Variants in PLPP3 observed in about 807,000 individuals in gnomAD.
PLPP3 encodes phospholipid phosphatase 3.
A neutral mutation model predicts 29.6 loss-of-function variants in PLPP3; 6 were observed. That is an observed-to-expected ratio of 0.20 (90% CI 0.11 to 0.40). The LOEUF (loss-of-function observed/expected upper bound fraction) is 0.40. PLPP3 is among the 10% of genes least tolerant of loss of function. PLPP3 has a pLI of 1.00. For synonymous variants in PLPP3, 152 were observed against 159.7 expected (o/e 0.95, Z 0.36); for missense variants, 308 against 407.7 (o/e 0.76, Z 2.11).
At chr1:56,569,583 T>C (rs1646184052) in intron 1 of PLPP3, among the ~76,000 whole-genome samples, 1 of 152,184 alleles carries the variant, frequency 6.6e-6, no homozygotes, top group African/African-American at 2.4e-5. Flanking sequence ...TCCTAGGTAG[T>C]AGGTTTCTCT....
Position 56,579,103 on chromosome 1 carries a change from C to T in PLPP3, c.-87G>A, listed in dbSNP as rs1646259054. On this transcript the variant is annotated 5_prime_UTR_variant, in exon 1 of 6. Coordinates refer to ENST00000371250, the MANE Select transcript of PLPP3 (RefSeq NM_003713.5). ...CCCAGGCGCCCGGGTCGCCTCCTGG[C>T]CGAGGCTGCTGCGGATAGTGGCGGG... The T allele has an allele frequency of 1.3e-6, 2 of 1,539,238 alleles. No individual in the cohort carries two copies. The highest frequency in any genetic ancestry group is 2.3e-5 in the South Asian group (2 of 86,166).
At chr1:56,530,832 A>C (rs1645883076) in intron 2 of PLPP3, among the ~76,000 whole-genome samples, 1 of 152,168 alleles carries the variant, frequency 6.6e-6, no homozygotes, top group Non-Finnish European at 1.5e-5. Flanking sequence ...CCATTCATTC[A>C]GCCAAACAGG....
In PLPP3 at chr1:56,556,505, G is replaced by A. The variant is rs555773695; in HGVS notation, c.140-19393C>T. 3.3e-5 allele frequency among the ~76,000 whole-genome samples: 5 copies of A among 152,224 alleles called. No individual in the cohort carries two copies. In the East Asian group the frequency reaches 9.7e-4, roughly 29 times the overall value. ...ATGCCAAAATGGCAATAGTATTTAT[G>A]GTAGATTATGAGTGATGTTCCCTGT... On this transcript the variant is annotated intron_variant, in intron 1 of 5. Coordinates refer to ENST00000371250, the MANE Select transcript of PLPP3 (RefSeq NM_003713.5).
At chr1:56,561,560 T>C (rs887721414) in intron 1 of PLPP3, among the ~76,000 whole-genome samples, 80 of 152,158 alleles carry the variant, frequency 5.3e-4, no homozygotes, top group African/African-American at 1.9e-3. Context: ...TGTGGTATTA[T>C]AGGCAACAAA....
rs1229420952 is a variant in PLPP3 at position 56,496,612 on chromosome 1, C to A, written c.875G>T (p.Arg292Leu). 2.5e-6 allele frequency: 4 copies of A among 1,613,844 alleles called. No individual in the cohort carries two copies. The highest frequency in any genetic ancestry group is 2.5e-6 in the Non-Finnish European group (3 of 1,179,890). ...TTLSLPAPAI[R>L]KEILSPVDII... is the part of the protein sequence containing the mutation. ...GTCCACAGGTGAAAGGATTTCCTTCCGGATAGCAGGGGCAGGCAGGGAGAG... is the reference window on the plus strand; with the variant it reads ...GTCCACAGGTGAAAGGATTTCCTTCAGGATAGCAGGGGCAGGCAGGGAGAG... Residue 292 changes from arginine to leucine, a missense_variant, in exon 6 of 6, where the codon CGG becomes CTG. Arg to Leu is a moderately radical substitution (Grantham distance 102). Transcript: ENST00000371250.
intron 1 of PLPP3, among the ~76,000 whole-genome samples, chr1:56,576,682 A>G (rs549421571): frequency 3.7e-4 from 57 of 152,304 alleles, no homozygotes; most frequent in African/African-American, 1.3e-3. Context: ...CTTTTTGGAG[A>G]TAAACAAAAT....
intron 1 of PLPP3, among the ~76,000 whole-genome samples, chr1:56,568,289 G>A (rs137858654): frequency 3.3e-5 from 5 of 152,200 alleles, no homozygotes. Context: ...CCAATGAATC[G>A]TGTGCTTTAA....
intron 1 of PLPP3, among the ~76,000 whole-genome samples, chr1:56,576,667 T>C (rs751290517): frequency 1.3e-5 from 2 of 152,188 alleles, no homozygotes; most frequent in Non-Finnish European, 2.9e-5. Flanking sequence ...CCTGACGCCT[T>C]ATTGCTTTTT....
At chr1:56,498,347 G>A (rs1645642698) in intron 5 of PLPP3, among the ~76,000 whole-genome samples, 1 of 152,150 alleles carries the variant, frequency 6.6e-6, no homozygotes, top group African/African-American at 2.4e-5. Context: ...GTTGGTTTGG[G>A]AAACTGTTTT....
chr1:56,576,644 C>G (rs191757159), intron 1 of PLPP3, among the ~76,000 whole-genome samples: 1 of 152,288 alleles, frequency 6.6e-6, no homozygotes, highest in South Asian at 2.1e-4. Flanking sequence ...GCCTCTATAA[C>G]AGAATACATG....
intron 1 of PLPP3, among the ~76,000 whole-genome samples, chr1:56,570,472 G>A (rs904473171): frequency 1.3e-5 from 2 of 152,206 alleles, no homozygotes; most frequent in Admixed American, 6.5e-5. Context: ...CAGAAATCAA[G>A]TTCCTTTCAA....
At chr1:56,548,148 C>T (rs1211551328) in intron 1 of PLPP3, among the ~76,000 whole-genome samples, 2 of 152,184 alleles carry the variant, frequency 1.3e-5, no homozygotes, top group Non-Finnish European at 2.9e-5. Flanking sequence ...AGACTGGAGC[C>T]GTTCCAGGGT....
chr1:56,499,428 C>T (rs143209752), intron 5 of PLPP3, among the ~76,000 whole-genome samples: 193 of 152,264 alleles, frequency 1.3e-3, no homozygotes, highest in African/African-American at 4.5e-3. Context: ...CCCTAATCAC[C>T]CTGAATCACC....
At chr1:56,540,506 A>C (rs1334624527) in intron 1 of PLPP3, among the ~76,000 whole-genome samples, 1 of 152,152 alleles carries the variant, frequency 6.6e-6, no homozygotes, top group African/African-American at 2.4e-5. Flanking sequence ...CCCACTTTTA[A>C]ACTGAGAACA....
intron 4 of PLPP3, 108 bp from the exon 5 acceptor site, chr1:56,512,260 C>A: frequency 9.3e-7 from 1 of 1,069,820 alleles, no homozygotes; most frequent in Non-Finnish European, 1.3e-6. Context: ...ATCATCTGGA[C>A]CTTGGGTGGC....
At chr1:56,513,619 C>T (rs968726446) in intron 4 of PLPP3, 8 of 152,092 alleles carry the variant, frequency 5.3e-5, no homozygotes, top group Admixed American at 2.6e-4. Context: ...TCCTCAACTA[C>T]GTGGAACACT....
At chr1:56,555,102 T>A (rs1646065050) in intron 1 of PLPP3, among the ~76,000 whole-genome samples, 1 of 152,002 alleles carries the variant, frequency 6.6e-6, no homozygotes, top group Admixed American at 6.6e-5. Flanking sequence ...TGATACTTAG[T>A]GGAAAGGGAC....
At chr1:56,546,251 G>A (rs969785053) in intron 1 of PLPP3, among the ~76,000 whole-genome samples, 3 of 152,140 alleles carry the variant, frequency 2.0e-5, no homozygotes, top group Non-Finnish European at 4.4e-5. Context: ...TGACATGAAG[G>A]CTGTCTGTGG....
At chr1:56,523,054 C>T (rs1645829939) in intron 4 of PLPP3, among the ~76,000 whole-genome samples, 1 of 152,154 alleles carries the variant, frequency 6.6e-6, no homozygotes, top group African/African-American at 2.4e-5. Flanking sequence ...AATCATGGTT[C>T]TACTACTGGT....
Sources: gnomAD v4.1 joint callset for allele counts (sites outside exome capture counted in the v4.1 genomes callset) on GRCh38, gnomAD v4.1.1 for gene constraint, MANE v1.5 for transcripts, NCBI Gene and HGNC (gene_info 2026-07-23, HGNC 2026-07-21) for gene names.